MAPKAP1: variants seen among roughly 807,000 people sequenced by gnomAD.
The protein encoded by MAPKAP1 is MAPK associated protein 1, also known as target of rapamycin complex 2 subunit MAPKAP1.
Under a neutral mutation model 65.7 loss-of-function variants are expected in MAPKAP1, and 20 were observed. The observed-to-expected ratio is 0.30, with a 90% CI of 0.21 to 0.44. The LOEUF (loss-of-function observed/expected upper bound fraction) is 0.44. Among genes scored for constraint, MAPKAP1 ranks in the 20% least tolerant of loss-of-function variants. The pLI is 1.00. For synonymous variants in MAPKAP1, 222 were observed against 244.3 expected, an observed-to-expected ratio of 0.91 and a Z score of 0.85; for missense variants, 423 against 648.0, an observed-to-expected ratio of 0.65 and a Z score of 3.77.
intron 3 of MAPKAP1, among the ~76,000 whole-genome samples, chr9:125,660,724 A>G (rs899609549): frequency 1.1e-4 from 16 of 152,176 alleles, no homozygotes; most frequent in African/African-American, 3.9e-4. Flanking sequence ...CCTACCCATC[A>G]ACCGACACTT....
At chr9:125,525,819 C>G (rs1244081079) in intron 7 of MAPKAP1, among the ~76,000 whole-genome samples, 2 of 152,038 alleles carry the variant, frequency 1.3e-5, no homozygotes, top group East Asian at 3.8e-4. Context: ...AGACTATGAT[C>G]TGGTTGGGAC....
chr9:125,635,564 A>G (rs1459998735), intron 4 of MAPKAP1, among the ~76,000 whole-genome samples: 1 of 152,234 alleles, frequency 6.6e-6, no homozygotes, highest in Non-Finnish European at 1.5e-5. Context: ...TCTGAGAAAG[A>G]GACTAGTGAA....
In MAPKAP1 at chr9:125,707,153, G is replaced by C. The variant is rs887028335; in HGVS notation, c.-252C>G. Reference sequence around the variant, plus strand: ...CCGGGTTAGCCCTCATGCCCCTGCTGCTCGCCGCCGCCGGCCGGCCGAGCA... The same window carrying C: ...CCGGGTTAGCCCTCATGCCCCTGCTCCTCGCCGCCGCCGGCCGGCCGAGCA... On this transcript the variant is annotated 5_prime_UTR_variant, in exon 1 of 12. Transcript: ENST00000265960. 21 of 398,062 alleles carry C rather than the reference G, an allele frequency of 5.3e-5. No homozygotes were observed. The highest frequency in any genetic ancestry group is 8.0e-5 in the Non-Finnish European group (18 of 225,756). The allele number at this position is 398,062 out of a possible 1,614,324, so 24.7% of individuals were successfully genotyped here. A position where few individuals can be genotyped will look rare whatever the true frequency, so the allele number is the denominator to read the frequency against.
At chr9:125,531,121 T>C (rs1226520771) in intron 7 of MAPKAP1, among the ~76,000 whole-genome samples, 2 of 152,138 alleles carry the variant, frequency 1.3e-5, no homozygotes, top group African/African-American at 2.4e-5. Flanking sequence ...TTCCACTGAG[T>C]CTTGCTGCCA....
At chr9:125,596,433 T>A in intron 4 of MAPKAP1, 1 of 780,714 alleles carries the variant, frequency 1.3e-6, no homozygotes, top group Non-Finnish European at 2.3e-6. Context: ...TTTTGGAGGG[T>A]GGTGGAAGCT....
At chr9:125,657,560 T>C in intron 4 of MAPKAP1, 91 bp downstream of exon 4, 4 of 1,197,982 alleles carry the variant, frequency 3.3e-6, no homozygotes, top group Non-Finnish European at 4.7e-6. Flanking sequence ...CTACAAAGCA[T>C]TTCTGAAACC....
At chr9:125,604,060 A>G (rs1223521141) in intron 4 of MAPKAP1, among the ~76,000 whole-genome samples, 2 of 152,226 alleles carry the variant, frequency 1.3e-5, no homozygotes, top group East Asian at 1.9e-4. Flanking sequence ...TTGCTTCCCT[A>G]AAAGGCTCTG....
chr9:125,649,320 G>C (rs577848082), intron 4 of MAPKAP1, among the ~76,000 whole-genome samples: 3 of 152,134 alleles, frequency 2.0e-5, no homozygotes, highest in Admixed American at 1.3e-4. Context: ...ACAAAAATAC[G>C]TCCATGTTGT....
intron 7 of MAPKAP1, among the ~76,000 whole-genome samples, chr9:125,510,030 CTT>C (rs1331410344): frequency 6.6e-6 from 1 of 152,190 alleles, no homozygotes; most frequent in African/African-American, 2.4e-5. Flanking sequence ...ATGTTGATGA[CTT>C]TAATACATGC....
chr9:125,488,668 G>C (rs1225591738), intron 8 of MAPKAP1, among the ~76,000 whole-genome samples: 1 of 152,148 alleles, frequency 6.6e-6, no homozygotes, highest in East Asian at 1.9e-4. Context: ...TCTCAAAGTA[G>C]GCTCAGGAGT....
intron 10 of MAPKAP1, among the ~76,000 whole-genome samples, chr9:125,456,106 T>C (rs759091134): frequency 4.4e-4 from 67 of 152,074 alleles, no homozygotes; most frequent in Non-Finnish European, 1.2e-4. Context: ...TAATGAGAAG[T>C]CAGCAACTAT....
chr9:125,543,246 G>A, intron 6 of MAPKAP1, 78 bp from the exon 7 acceptor site: 1 of 1,085,734 alleles, frequency 9.2e-7, no homozygotes, highest in Non-Finnish European at 1.4e-6. Context: ...CTGTGTTTAA[G>A]CAAGTTTTTT....
At chr9:125,559,545 T>C (rs764720967) in intron 6 of MAPKAP1, 88 bp downstream of exon 6, 185 of 1,231,836 alleles carry the variant, frequency 1.5e-4, no homozygotes, top group Non-Finnish European at 2.0e-4. Flanking sequence ...CCAAATATCA[T>C]TTATTTGATG....
intron 4 of MAPKAP1, among the ~76,000 whole-genome samples, chr9:125,598,937 G>A (rs1391710602): frequency 1.3e-5 from 2 of 151,674 alleles, no homozygotes; most frequent in Admixed American, 6.6e-5. Context: ...ATACTCGAGA[G>A]GCTGAGGCAG....
chr9:125,628,411 T>C lies in MAPKAP1; in HGVS notation c.498+29240A>G, dbSNP rs151224681. 4.2e-3 allele frequency among the ~76,000 whole-genome samples: 646 copies of C among 152,350 alleles called. 6 individuals are homozygous for C. Among genetic ancestry groups the C allele is most frequent in the African/African-American group, 0.015 (616 of 41,590 alleles). On this transcript the variant is annotated intron_variant, in intron 4 of 11. Coordinates refer to ENST00000265960, the MANE Select transcript of MAPKAP1 (RefSeq NM_001006617.3). Reference sequence around the variant, plus strand: ...AAGGATACACTCTAAATGTCACTTTTACACCTGTGAAAAGTGTTCTCATTA... The same window carrying C: ...AAGGATACACTCTAAATGTCACTTTCACACCTGTGAAAAGTGTTCTCATTA...
intron 5 of MAPKAP1, among the ~76,000 whole-genome samples, chr9:125,562,375 C>T (rs1403582628): frequency 6.6e-6 from 1 of 152,180 alleles, no homozygotes; most frequent in Non-Finnish European, 1.5e-5. Context: ...CTGTCCTGAG[C>T]ATCAGGAACA....
intron 1 of MAPKAP1, among the ~76,000 whole-genome samples, chr9:125,680,991 T>A (rs1490211974): frequency 6.6e-6 from 1 of 152,250 alleles, no homozygotes; most frequent in Non-Finnish European, 1.5e-5. Flanking sequence ...CCATGAGATG[T>A]ACTAATCACT....
chr9:125,447,262 C>A lies in MAPKAP1; in HGVS notation c.1346-2664G>T. The A allele has an allele frequency of 2.6e-6, 1 of 389,218 alleles. No individual in the cohort carries two copies. 24.1% of individuals were successfully genotyped at this position (389,218 alleles called of 1,614,324 possible). On this transcript the variant is annotated intron_variant, in intron 10 of 11. Coordinates refer to ENST00000265960, the MANE Select transcript of MAPKAP1 (RefSeq NM_001006617.3). This position sits in a 1 kb window ranked among gnomAD's most constrained non-coding sequence, Gnocchi z 4.5. ...AGCAGGTGAGGAGGAGGAAGAGTCCCAACATTCCCCCACTCTCCCTCAAGC... is the reference window on the plus strand; with the variant it reads ...AGCAGGTGAGGAGGAGGAAGAGTCCAAACATTCCCCCACTCTCCCTCAAGC...
chr9:125,559,757 C>A lies in MAPKAP1; in HGVS notation c.724G>T (p.Asp242Tyr). ...LHIAEDDGEV[D>Y]TDFPPLDSNE... ...GAATCCAGCGGGGGGAAATCGGTGT[C>A]CACCTCCCCATCATCCTCAGCAATA... Residue 242 changes from aspartate to tyrosine, a missense_variant, in exon 6 of 12, where the codon GAC becomes TAC. Physicochemically the swap from Asp to Tyr is radical, Grantham distance 160 (BLOSUM62 -3). Transcript: ENST00000265960. 6.2e-7 allele frequency: 1 copy of A among 1,613,816 alleles called. No homozygotes were observed. Among genetic ancestry groups the A allele is most frequent in the Non-Finnish European group, 8.5e-7 (1 of 1,179,830 alleles).
Sources: gnomAD v4.1 joint callset for allele counts (sites outside exome capture counted in the v4.1 genomes callset) on GRCh38, gnomAD v4.1.1 for gene constraint, Gnocchi (gnomAD v3.1) non-coding constraint, MANE v1.5 for transcripts, NCBI Gene and HGNC (gene_info 2026-07-23, HGNC 2026-07-21) for gene names.